The following ANKRD18B variants were observed in gnomAD, a reference collection of about 807,000 sequenced individuals.
ANKRD18B encodes the protein ankyrin repeat domain 18B.
A neutral mutation model predicts 111.8 loss-of-function variants in ANKRD18B; 75 were observed. The ratio of observed to expected loss-of-function variants is 0.67; its 90% CI spans 0.56 to 0.81. The LOEUF (loss-of-function observed/expected upper bound fraction) is 0.81, where lower values mean the gene tolerates loss of function less well. Ranked by LOEUF, ANKRD18B falls within the 40% of genes least tolerant of loss-of-function variation. The pLI, the probability that ANKRD18B is intolerant of heterozygous loss-of-function variation, is 0.00. For missense variants in ANKRD18B, 1,038 were observed against 1,225.5 expected, an observed-to-expected ratio of 0.85 and a Z score of 2.28; for synonymous variants, 356 against 417.3, an observed-to-expected ratio of 0.85 and a Z score of 1.79.
intron 1 of ANKRD18B, 85 bp from the exon 2 acceptor site, chr9:33,528,642 C>T: frequency 1.8e-6 from 2 of 1,095,830 alleles, no homozygotes; most frequent in South Asian, 1.8e-5. Context: ...AGGAATAATG[C>T]CATTCAATGT....
chr9:33,552,889 T>C (rs975583985), intron 12 of ANKRD18B, among the ~76,000 whole-genome samples: 1 of 152,190 alleles, frequency 6.6e-6, no homozygotes, highest in Non-Finnish European at 1.5e-5. Context: ...CGTCAGTCCC[T>C]GGTTTAATCT....
At chr9:33,533,218 G>C (rs1828142300) in intron 3 of ANKRD18B, among the ~76,000 whole-genome samples, 1 of 152,212 alleles carries the variant, frequency 6.6e-6, no homozygotes, top group African/African-American at 2.4e-5. Flanking sequence ...GGTAAATAAA[G>C]TGAGTTTTGG....
intron 14 of ANKRD18B, among the ~76,000 whole-genome samples, chr9:33,562,671 G>A (rs1014298080): frequency 7.2e-5 from 11 of 152,102 alleles, no homozygotes; most frequent in African/African-American, 2.7e-4. Context: ...TACAGAGATG[G>A]GATGGTCTTA....
At chr9:33,542,901 G>T (rs1828300758) in intron 9 of ANKRD18B, among the ~76,000 whole-genome samples, 1 of 151,650 alleles carries the variant, frequency 6.6e-6, no homozygotes, top group Non-Finnish European at 1.5e-5. Context: ...ATTTTGGTTT[G>T]TTTCCAGCAG....
intron 11 of ANKRD18B, among the ~76,000 whole-genome samples, 191 bp downstream of exon 11, chr9:33,549,046 C>T (rs1199644913): frequency 6.6e-6 from 1 of 152,022 alleles, no homozygotes; most frequent in Non-Finnish European, 1.5e-5. Context: ...TTTGTGTAGG[C>T]CTGGGGCTGG....
Position 33,524,436 on chromosome 9 carries a change from C to A in ANKRD18B, c.-54C>A. 1 of 1,490,226 alleles carries A rather than the reference C, an allele frequency of 6.7e-7. No individual in the cohort carries two copies. The highest frequency in any genetic ancestry group is 8.9e-7 in the Non-Finnish European group (1 of 1,117,834). 92.3% of individuals were successfully genotyped at this position (1,490,226 alleles called of 1,614,324 possible). On this transcript the variant is annotated 5_prime_UTR_variant, in exon 1 of 19. Transcript: ENST00000684830. ...GAGCTGGGTGGGGGTGGAAAGGCCA[C>A]GAGGAGCCGCGGCGTCTCAGGAGCG...
chr9:33,535,241 C>T (rs1207912955), intron 5 of ANKRD18B, among the ~76,000 whole-genome samples: 3 of 152,158 alleles, frequency 2.0e-5, no homozygotes, highest in African/African-American at 7.2e-5. Context: ...CCTCACTCTT[C>T]ATGGTGACTC....
intron 3 of ANKRD18B, among the ~76,000 whole-genome samples, chr9:33,529,470 GA>G (rs553097049): frequency 6.6e-6 from 1 of 152,006 alleles, no homozygotes; most frequent in African/African-American, 2.4e-5. Context: ...AACATCACAG[GA>G]AAAAAATTGC....
Position 33,566,106 on chromosome 9 carries a change from A to G in ANKRD18B, c.2461-113A>G. ...GGTTCACATTTGAAGAATCTACTAC[A>G]TTATAGATAACATTTTATTGCAAGT... On this transcript the variant is annotated intron_variant, in intron 14 of 18. Coordinates refer to ENST00000684830, the MANE Select transcript of ANKRD18B (RefSeq NM_001393611.1). 4 of 965,074 alleles carry G rather than the reference A, an allele frequency of 4.1e-6. No individual in the cohort carries two copies. The South Asian group carries it at 6.3e-5, about 15-fold the overall frequency. 59.8% of individuals were successfully genotyped at this position (965,074 alleles called of 1,614,324 possible).
chr9:33,531,004 T>C (rs1828106955), intron 3 of ANKRD18B, among the ~76,000 whole-genome samples: 1 of 152,166 alleles, frequency 6.6e-6, no homozygotes. Context: ...TCAGTTGCAG[T>C]TGTATTAGGG....
intron 11 of ANKRD18B, 134 bp from the exon 12 acceptor site, chr9:33,550,296 G>A: frequency 2.1e-6 from 2 of 939,200 alleles, no homozygotes; most frequent in Middle Eastern, 2.6e-4. Flanking sequence ...AAAGAAGAAA[G>A]TGTACATATG....
chr9:33,550,960 T>A (rs1828437681), intron 12 of ANKRD18B, among the ~76,000 whole-genome samples: 1 of 152,208 alleles, frequency 6.6e-6, no homozygotes, highest in South Asian at 2.1e-4. Flanking sequence ...GTTGTCTTAT[T>A]TCTTCACTTT....
chr9:33,554,615 A>G (rs1438201610), intron 12 of ANKRD18B, among the ~76,000 whole-genome samples: 1 of 152,218 alleles, frequency 6.6e-6, no homozygotes, highest in Non-Finnish European at 1.5e-5. Flanking sequence ...AGCGTGGCCA[A>G]CATTGTGAAA....
chr9:33,550,497 C>T lies in ANKRD18B; in HGVS notation c.2135C>T (p.Pro712Leu), dbSNP rs1033225869. ...HLKKFSMSES[P>L]LEGTSHCHIN... ...AAAAAATTTTCAATGTCAGAGTCTC[C>T]ACTGGAAGGTACATCACATTGTCAT... Residue 712 changes from proline to leucine, a missense_variant, in exon 12 of 19, where the codon CCA becomes CTA. Physicochemically the swap from Pro to Leu is moderately conservative, Grantham distance 98. Around this residue, in one of 4 missense-constraint regions of ANKRD18B, gnomAD observed 524 missense variants for 677.9 expected, o/e 0.77. Coordinates refer to ENST00000684830, the MANE Select transcript of ANKRD18B (RefSeq NM_001393611.1). 7.1e-6 allele frequency: 11 copies of T among 1,548,220 alleles called. No individual in the cohort carries two copies. In the African/African-American group the frequency reaches 1.4e-4, roughly 19 times the overall value.
chr9:33,527,195 T>C (rs1302415271), intron 1 of ANKRD18B, among the ~76,000 whole-genome samples: 3 of 152,230 alleles, frequency 2.0e-5, no homozygotes, highest in Non-Finnish European at 2.9e-5. Context: ...TAAATACTAA[T>C]ATTAATCATT....
chr9:33,573,337 A>G (rs544620865), downstream of ANKRD18B: 15 of 974,620 alleles, frequency 1.5e-5, no homozygotes, highest in African/African-American at 8.8e-5. Context: ...GACAGTCCTC[A>G]TGTGGTCCCT....
intron 9 of ANKRD18B, among the ~76,000 whole-genome samples, chr9:33,541,874 C>G (rs1361523399): frequency 6.6e-6 from 1 of 152,104 alleles, no homozygotes; most frequent in African/African-American, 2.4e-5. Context: ...CATCTGCAGC[C>G]CTTTCTCTGT....
chr9:33,573,241 T>C (rs1226601911), downstream of ANKRD18B: 1 of 985,240 alleles, frequency 1.0e-6, no homozygotes, highest in African/African-American at 1.7e-5. Flanking sequence ...CTTCCCATCA[T>C]GCGCTCACTA....
At chr9:33,565,171 A>G (rs1194125145) in intron 14 of ANKRD18B, among the ~76,000 whole-genome samples, 1 of 152,164 alleles carries the variant, frequency 6.6e-6, no homozygotes, top group Non-Finnish European at 1.5e-5. Flanking sequence ...TCAATCTTCA[A>G]TTGATTCTGA....
Sources: gnomAD v4.1 joint callset for allele counts (sites outside exome capture counted in the v4.1 genomes callset) on GRCh38, gnomAD v4.1.1 for gene constraint, gnomAD v4.1.1 regional missense constraint, MANE v1.5 for transcripts, NCBI Gene and HGNC (gene_info 2026-07-23, HGNC 2026-07-21) for gene names.